CSMD1: variants seen among roughly 807,000 people sequenced by gnomAD.
CSMD1 encodes CUB and sushi domain-containing protein 1.
CSMD1 carries 213 observed loss-of-function variants against 417.5 expected under a neutral mutation model. The ratio of observed to expected loss-of-function variants is 0.51; its 90% CI spans 0.46 to 0.57. The LOEUF is 0.57. Among genes scored for constraint, CSMD1 ranks in the 20% least tolerant of loss-of-function variants. The pLI is 0.00. For synonymous variants in CSMD1, 2,862 were observed against 1,736.8 expected (o/e 1.65, Z -16.11); for missense variants, 6,923 against 4,529.7 (o/e 1.53, Z -15.17).
chr8:3,119,158 C>G (rs1041987069), intron 41 of CSMD1, among the ~76,000 whole-genome samples: 1 of 151,402 alleles, frequency 6.6e-6, no homozygotes, highest in Non-Finnish European at 1.5e-5. Flanking sequence ...CCAGCCCGGG[C>G]GACAGAGCAA....
chr8:4,439,333 T>C (rs1798329929), intron 2 of CSMD1, among the ~76,000 whole-genome samples: 1 of 152,166 alleles, frequency 6.6e-6, no homozygotes, highest in Admixed American at 6.5e-5. Flanking sequence ...TTAAATATAA[T>C]TATTCAAAAT....
intron 1 of CSMD1, among the ~76,000 whole-genome samples, chr8:4,837,744 A>G (rs1025812133): frequency 6.6e-6 from 1 of 152,168 alleles, no homozygotes; most frequent in Non-Finnish European, 1.5e-5. Context: ...TTTAAAAATA[A>G]CAAAGAGTAT....
rs538263926 is a variant in CSMD1 at position 3,713,095 on chromosome 8, A to T, written c.932-4604T>A. On this transcript the variant is annotated intron_variant, in intron 6 of 69. Coordinates refer to ENST00000635120, the MANE Select transcript of CSMD1 (RefSeq NM_033225.6). ...ATAAATATGACGAATCTCTTTTCTGATAACAACATTTAGGAAGATAAATTA... is the reference window on the plus strand; with the variant it reads ...ATAAATATGACGAATCTCTTTTCTGTTAACAACATTTAGGAAGATAAATTA... Among the ~76,000 whole-genome samples the T allele has an allele frequency of 7.2e-5, 11 of 152,352 alleles. No homozygotes were observed. In the South Asian group the frequency reaches 2.1e-3, roughly 29 times the overall value.
chr8:4,151,756 T>G (rs1796582619), intron 3 of CSMD1, among the ~76,000 whole-genome samples: 1 of 152,226 alleles, frequency 6.6e-6, no homozygotes, highest in Non-Finnish European at 1.5e-5. Flanking sequence ...CTGTAGCTTT[T>G]TCCTAGTGCC....
chr8:4,801,226 C>T (rs1009588485), intron 1 of CSMD1, among the ~76,000 whole-genome samples: 6 of 152,176 alleles, frequency 3.9e-5, no homozygotes, highest in African/African-American at 7.2e-5. Context: ...CTTATTGCGG[C>T]CACCTTGAGG....
chr8:4,073,239 A>G (rs1265822696), intron 3 of CSMD1, among the ~76,000 whole-genome samples: 2 of 152,198 alleles, frequency 1.3e-5, no homozygotes, highest in Non-Finnish European at 2.9e-5. Flanking sequence ...CAATAGGTGC[A>G]TTAAATGATG....
chr8:4,457,832 C>A (rs1370667642), intron 2 of CSMD1, among the ~76,000 whole-genome samples: 1 of 152,110 alleles, frequency 6.6e-6, no homozygotes, highest in African/African-American at 2.4e-5. Context: ...TTGCAGACAG[C>A]TTTGCAGTGA....
intron 1 of CSMD1, among the ~76,000 whole-genome samples, chr8:4,916,470 TTCA>T (rs1438699334): frequency 6.6e-6 from 1 of 152,244 alleles, no homozygotes; most frequent in African/African-American, 2.4e-5. Flanking sequence ...GATGGTTTTG[TTCA>T]ACTTGCAATG....
chr8:3,574,330 T>C (rs1269303095), intron 10 of CSMD1, among the ~76,000 whole-genome samples: 1 of 152,216 alleles, frequency 6.6e-6, no homozygotes. Flanking sequence ...AAGCTCTGCC[T>C]CCTGGGTTCA....
chr8:4,813,767 G>A (rs899978495), intron 1 of CSMD1, among the ~76,000 whole-genome samples: 4 of 152,134 alleles, frequency 2.6e-5, no homozygotes, highest in East Asian at 3.9e-4. Flanking sequence ...GCATTTTGGA[G>A]TAATTTTACT....
chr8:4,301,170 C>T (rs1228614386), intron 3 of CSMD1, among the ~76,000 whole-genome samples: 7 of 152,104 alleles, frequency 4.6e-5, no homozygotes, highest in Non-Finnish European at 7.4e-5. Flanking sequence ...GAAAAGAACG[C>T]TCTGGGGCAG....
At chr8:3,760,943 A>G (rs1228398473) in intron 5 of CSMD1, among the ~76,000 whole-genome samples, 1 of 150,718 alleles carries the variant, frequency 6.6e-6, no homozygotes, top group African/African-American at 2.4e-5. Flanking sequence ...AGAAAGCCAT[A>G]TAAAAGATGT....
chr8:3,979,142 G>A (rs1265798369), intron 5 of CSMD1, among the ~76,000 whole-genome samples: 1 of 152,208 alleles, frequency 6.6e-6, no homozygotes, highest in Non-Finnish European at 1.5e-5. Flanking sequence ...GGGGCCTCAG[G>A]CCCTGATCAC....
intron 4 of CSMD1, among the ~76,000 whole-genome samples, chr8:4,011,042 T>C (rs1306735724): frequency 7.9e-5 from 12 of 152,208 alleles, no homozygotes; most frequent in Non-Finnish European, 1.2e-4. Context: ...GCTGCCAGCA[T>C]CTCTTGCCAA....
At position 3,634,375 on chromosome 8, in the gene CSMD1, G is replaced by C. The variant is rs141081128; in HGVS notation, c.1010-17578C>G. ...GACAAACTCCAGTTAAACTTCTATAGGCACCGAGGCTCAGGAGAGCTTCTG... is the reference window on the plus strand; with the variant it reads ...GACAAACTCCAGTTAAACTTCTATACGCACCGAGGCTCAGGAGAGCTTCTG... On this transcript the variant is annotated intron_variant, in intron 7 of 69. Transcript: ENST00000635120. Among the ~76,000 whole-genome samples, 44 of 152,292 alleles carry C rather than the reference G, an allele frequency of 2.9e-4. 1 individual carries two copies. The highest frequency in any genetic ancestry group is 1.1e-3 in the African/African-American group (44 of 41,556).
chr8:3,790,828 A>G (rs1488624246), intron 5 of CSMD1, among the ~76,000 whole-genome samples: 2 of 152,170 alleles, frequency 1.3e-5, no homozygotes, highest in Non-Finnish European at 2.9e-5. Context: ...TGGAGATGTC[A>G]GAGCCCTGAG....
At chr8:3,096,180 A>C (rs963541503) in intron 47 of CSMD1, among the ~76,000 whole-genome samples, 3 of 152,236 alleles carry the variant, frequency 2.0e-5, no homozygotes, top group African/African-American at 7.2e-5. Flanking sequence ...TGGTTAAAGA[A>C]AATTTGGTAC....
At chr8:3,974,553 A>T (rs1231288968) in intron 5 of CSMD1, among the ~76,000 whole-genome samples, 1 of 152,032 alleles carries the variant, frequency 6.6e-6, no homozygotes, top group Non-Finnish European at 1.5e-5. Context: ...AAAATATTTA[A>T]ATGTTTGCTT....
At chr8:3,471,668 C>A (rs1030923140) in intron 11 of CSMD1, among the ~76,000 whole-genome samples, 1 of 139,210 alleles carries the variant, frequency 7.2e-6, no homozygotes, top group Non-Finnish European at 1.6e-5. Flanking sequence ...TCCTTTCCCT[C>A]CCTCCCTCCC....
Sources: allele counts gnomAD v4.1 joint callset (sites outside exome capture counted in the v4.1 genomes callset), GRCh38; gene constraint gnomAD v4.1.1; transcripts MANE v1.5; gene names NCBI Gene and HGNC (gene_info 2026-07-23, HGNC 2026-07-21).